Variants in TNIP1 observed in about 807,000 individuals in gnomAD.
TNIP1 encodes the protein TNFAIP3 interacting protein 1.
Under a neutral mutation model 86.6 loss-of-function variants are expected in TNIP1, and 22 were observed. That is an observed-to-expected ratio of 0.25 (90% CI 0.18 to 0.36). TNIP1 has a LOEUF of 0.36. Among genes scored for constraint, TNIP1 ranks in the 10% least tolerant of loss-of-function variants. TNIP1 has a pLI of 1.00. For synonymous variants in TNIP1, 294 were observed against 313.0 expected, an observed-to-expected ratio of 0.94 and a Z score of 0.64; for missense variants, 709 against 820.6, an observed-to-expected ratio of 0.86 and a Z score of 1.66.
chr5:151,035,834 G>T, intron 13 of TNIP1, 127 bp from the exon 14 acceptor site: 2 of 1,213,566 alleles, frequency 1.6e-6, no homozygotes, highest in Admixed American at 2.2e-5. Flanking sequence ...CATGGGGAGT[G>T]GGACAGCTAC....
At chr5:151,033,243 G>A (rs1757157349) in intron 16 of TNIP1, among the ~76,000 whole-genome samples, 1 of 151,572 alleles carries the variant, frequency 6.6e-6, no homozygotes, top group East Asian at 1.9e-4. Context: ...GAAAGAGAGA[G>A]AAACATGGTG....
chr5:151,042,036 G>A (rs2113399894), intron 11 of TNIP1, among the ~76,000 whole-genome samples: 1 of 151,804 alleles, frequency 6.6e-6, no homozygotes, highest in Admixed American at 6.6e-5. Context: ...CGCCTCCCAG[G>A]TTCAAGCAAT....
intron 11 of TNIP1, 136 bp downstream of exon 11, chr5:151,042,403 CT>C (rs1481510376): frequency 1.8e-6 from 2 of 1,134,050 alleles, no homozygotes; most frequent in Non-Finnish European, 2.5e-6. Context: ...AGGAACGTGC[CT>C]GTGTTTTTGG....
At chr5:151,034,667 G>T in intron 15 of TNIP1, 3 of 379,206 alleles carry the variant, frequency 7.9e-6, no homozygotes, top group South Asian at 4.4e-5. Flanking sequence ...GCTGGGCATG[G>T]GCACAAAAGG....
intron 1 of TNIP1, among the ~76,000 whole-genome samples, chr5:151,073,172 A>T (rs1278447135): frequency 6.7e-6 from 1 of 150,316 alleles, no homozygotes; most frequent in Admixed American, 6.7e-5. Flanking sequence ...CAGTAAGCCG[A>T]GATCACGCCA....
chr5:151,031,977 G>C, intron 17 of TNIP1: 1 of 262,002 alleles, frequency 3.8e-6, no homozygotes, highest in Non-Finnish European at 7.2e-6. Context: ...TGTGGTGTTT[G>C]TTTATTCATT....
Position 151,086,433 on chromosome 5 carries a change from A to T in TNIP1, c.-37+652T>A, listed in dbSNP as rs920793700. Among the ~76,000 whole-genome samples the T allele has an allele frequency of 2.8e-4, 43 of 152,030 alleles. 1 individual carries two copies. Among genetic ancestry groups the T allele is most frequent in the African/African-American group, 1.0e-3 (42 of 41,386 alleles). ...AGAGCAGGCAGGAGAGAAGCAAGAG[A>T]TCCTTTTGCTCCAGTGTTAAGGAGG... On this transcript the variant is annotated intron_variant, in intron 1 of 17. Transcript: ENST00000315050.
chr5:151,032,355 C>A lies in TNIP1; in HGVS notation c.1808G>T (p.Gly603Val). Residue 603 changes from glycine (G) to valine (V), a missense_variant, in exon 17 of 18, where the codon GGA becomes GTA. Gly to Val is a moderately radical substitution (Grantham distance 109, BLOSUM62 -3). Transcript: ENST00000521591. ...GCTCTGATTTGGATTTCGAACCCCT[C>A]CACAGGGTAGACGCCAGGTGTATTC... ...LPEYTWRLPC[G>V]GVRNPNQSSQ... 1 of 1,614,140 alleles carries A rather than the reference C, an allele frequency of 6.2e-7. No homozygotes were observed.
At chr5:151,063,844 C>T in intron 2 of TNIP1, 97 bp from the exon 3 acceptor site, 3 of 1,492,636 alleles carry the variant, frequency 2.0e-6, no homozygotes, top group Non-Finnish European at 2.7e-6. Context: ...CGCCTGGCTT[C>T]TGAGGCTCCA....
chr5:151,035,481 G>T, intron 14 of TNIP1, 101 bp downstream of exon 14: 1 of 1,547,146 alleles, frequency 6.5e-7, no homozygotes, highest in Non-Finnish European at 8.8e-7. Flanking sequence ...GAGAGAAGCA[G>T]TGAGGGTCCT....
Position 151,042,620 on chromosome 5 carries a change from G to T in TNIP1, c.1054C>A (p.Leu352Met), listed in dbSNP as rs1261090006. 6.2e-7 allele frequency: 1 copy of T among 1,614,008 alleles called. No individual in the cohort carries two copies. The highest frequency in any genetic ancestry group is 8.5e-7 in the Non-Finnish European group (1 of 1,180,054). ...TGCTTCTGCTCCCGCTCGGCCTCCA[G>T]GTCAGTCACCTGCTTCTGCAAATCA... is the stretch of plus-strand genomic sequence containing the variant. ...LADLQKQVTD[L>M]EAEREQKQRD... The change falls in exon 11 of 18, where the codon CTG becomes ATG. Residue 352 changes from leucine to methionine, a missense_variant. Coordinates refer to ENST00000521591, the MANE Select transcript of TNIP1 (RefSeq NM_006058.5).
chr5:151,059,850 TGTGTGTGTGTGTGTGTGCGCGCGCGCGC>T lies in TNIP1; in HGVS notation c.435+440_435+467del, dbSNP rs1289508380. Among the ~76,000 whole-genome samples, 548 of 99,536 alleles carry T rather than the reference TGTGTGTGTGTGTGTGTGCGCGCGCGCGC, an allele frequency of 5.5e-3. 11 individuals carry two copies. Among genetic ancestry groups the T allele is most frequent in the African/African-American group, 0.024 (526 of 22,088 alleles). 65.3% of individuals were successfully genotyped at this position (99,536 alleles called of 152,430 possible). A position where few individuals can be genotyped will look rare whatever the true frequency, so the allele number is the denominator to read the frequency against. ...GAGAGTGTGTGTGTGTGTGTGTGTG[TGTGTGTGTGTGTGTGTGCGCGCGCGCGC>T]GCGCATGCGTGTAAGTGGAAAGTTG... On this transcript the variant is annotated intron_variant, in intron 5 of 17. Transcript: ENST00000521591.
intron 14 of TNIP1, 123 bp from the exon 15 acceptor site, chr5:151,035,190 T>A: frequency 2.6e-6 from 3 of 1,151,476 alleles, no homozygotes; most frequent in Non-Finnish European, 3.8e-6. Context: ...CCACCATGCG[T>A]GGGCCAGCCC....
At chr5:151,053,412 G>C (rs35325406) in intron 6 of TNIP1, among the ~76,000 whole-genome samples, 3,291 of 152,260 alleles carry the variant, frequency 0.022, 48 homozygotes, top group South Asian at 0.057. Flanking sequence ...ACCTAGCCCA[G>C]GGACAACTGT....
chr5:151,085,929 C>T (rs1351360456), upstream of TNIP1, among the ~76,000 whole-genome samples: 1 of 152,210 alleles, frequency 6.6e-6, no homozygotes, highest in East Asian at 1.9e-4. Flanking sequence ...TGTCCTCTCC[C>T]ACACCCTCTT....
chr5:151,033,393 C>A, intron 16 of TNIP1: 1 of 408,338 alleles, frequency 2.4e-6, no homozygotes, highest in East Asian at 3.6e-5. Context: ...GACCAGTGAC[C>A]CTGAACAGCT....
In TNIP1 at chr5:151,064,971, A is replaced by G; in HGVS notation, c.125T>C (p.Ile42Thr). Residue 42 changes from isoleucine (I) to threonine (T), a missense_variant, in exon 2 of 18, where the codon ATA (isoleucine) becomes ACA (threonine). Coordinates refer to ENST00000521591, the MANE Select transcript of TNIP1 (RefSeq NM_006058.5). Reference protein sequence around the residue: ...NSRLKEKMQGIKMLGELLEES... With the variant: ...NSRLKEKMQGTKMLGELLEES... ...AGGGTCTGCTTTACCTAACATCTTTATCCCTTGCATTTTTTCCTTCAGCCG... is the reference window on the plus strand; with the variant it reads ...AGGGTCTGCTTTACCTAACATCTTTGTCCCTTGCATTTTTTCCTTCAGCCG... 1 of 1,614,026 alleles carries G rather than the reference A, an allele frequency of 6.2e-7. No individual in the cohort carries two copies. Among genetic ancestry groups the G allele is most frequent in the Non-Finnish European group, 8.5e-7 (1 of 1,179,968 alleles).
intron 7 of TNIP1, among the ~76,000 whole-genome samples, chr5:151,051,664 T>G (rs1759944019): frequency 6.6e-6 from 1 of 152,278 alleles, no homozygotes; most frequent in South Asian, 2.1e-4. Context: ...GGCTCCTAGG[T>G]CTTGCCTAAG....
intron 4 of TNIP1, among the ~76,000 whole-genome samples, chr5:151,061,204 A>G (rs553615512): frequency 1.3e-5 from 2 of 152,240 alleles, no homozygotes; most frequent in African/African-American, 2.4e-5. Context: ...GTCCCGTTAA[A>G]CCTGGTCTGC....
Sources: allele counts gnomAD v4.1 joint callset (sites outside exome capture counted in the v4.1 genomes callset), GRCh38; gene constraint gnomAD v4.1.1; transcripts MANE v1.5; gene names NCBI Gene and HGNC (gene_info 2026-07-23, HGNC 2026-07-21).